ARID2: variants seen among roughly 807,000 people sequenced by gnomAD.
ARID2 encodes the protein AT-rich interactive domain-containing protein 2.
A neutral mutation model predicts 184.6 loss-of-function variants in ARID2; 32 were observed. That is an observed-to-expected ratio of 0.17 (90% CI 0.13 to 0.23). The LOEUF (loss-of-function observed/expected upper bound fraction) is 0.23. Among genes scored for constraint, ARID2 ranks in the 10% least tolerant of loss-of-function variants. ARID2 has a pLI of 1.00. For missense variants in ARID2, 1,696 were observed against 2,197.6 expected (o/e 0.77, Z 4.56); for synonymous variants, 836 against 772.6 (o/e 1.08, Z -1.36).
chr12:45,851,829 C>CCATTCA lies in ARID2; in HGVS notation c.3707_3712dup (p.Phe1237_Lys1238insThrPhe). ...ATCATCATGTACTACTGCTACTCCC[C>CCATTCA]CATTCAAAGGTGATAAAATAATTTG... On this transcript the variant is annotated inframe_insertion, in exon 15 of 21. Transcript: ENST00000334344. 2 of 1,614,120 alleles carry CCATTCA rather than the reference C, an allele frequency of 1.2e-6. No individual in the cohort carries two copies. The highest frequency in any genetic ancestry group is 1.7e-6 in the Non-Finnish European group (2 of 1,180,008).
At chr12:45,864,807 C>T (rs2138197160) in intron 16 of ARID2, among the ~76,000 whole-genome samples, 1 of 152,182 alleles carries the variant, frequency 6.6e-6, no homozygotes, top group African/African-American at 2.4e-5. Context: ...ATATAAAAGA[C>T]CCCCTTTTAT....
intron 3 of ARID2, among the ~76,000 whole-genome samples, chr12:45,742,728 A>G (rs1411892736): frequency 6.6e-6 from 1 of 152,212 alleles, no homozygotes; most frequent in African/African-American, 2.4e-5. Context: ...GTAGTAAATA[A>G]TGTCATCTGA....
At chr12:45,897,953 C>G (rs762815897) in intron 20 of ARID2, among the ~76,000 whole-genome samples, 1 of 151,828 alleles carries the variant, frequency 6.6e-6, no homozygotes, top group Non-Finnish European at 1.5e-5. Context: ...TCAGGTGATC[C>G]TCCCATCTCA....
intron 16 of ARID2, among the ~76,000 whole-genome samples, chr12:45,885,725 CCTT>C (rs1218593968): frequency 1.3e-5 from 2 of 152,178 alleles, no homozygotes; most frequent in African/African-American, 2.4e-5. Context: ...GCAAACATGT[CCTT>C]CTTCACATGG....
intron 16 of ARID2, among the ~76,000 whole-genome samples, chr12:45,876,447 G>C (rs1944010074): frequency 6.6e-6 from 1 of 152,086 alleles, no homozygotes; most frequent in Admixed American, 6.5e-5. Flanking sequence ...CTAGTAGGGA[G>C]GCTGAGGCAG....
At chr12:45,813,994 T>G (rs1024857343) in intron 4 of ARID2, among the ~76,000 whole-genome samples, 1 of 152,106 alleles carries the variant, frequency 6.6e-6, no homozygotes, top group African/African-American at 2.4e-5. Flanking sequence ...TTAGGTGGAT[T>G]ATTATTATTA....
At chr12:45,741,121 G>T (rs889607138) in intron 3 of ARID2, among the ~76,000 whole-genome samples, 4 of 152,226 alleles carry the variant, frequency 2.6e-5, no homozygotes, top group African/African-American at 7.2e-5. Flanking sequence ...GCATTTATTT[G>T]TGCTTGAATC....
chr12:45,739,274 C>T (rs915146243), intron 3 of ARID2, among the ~76,000 whole-genome samples: 15 of 151,964 alleles, frequency 9.9e-5, no homozygotes, highest in African/African-American at 3.6e-4. Flanking sequence ...CCACTGCGCC[C>T]GGCCAGAGCA....
intron 3 of ARID2, among the ~76,000 whole-genome samples, chr12:45,798,753 G>A (rs891815122): frequency 5.3e-5 from 8 of 151,942 alleles, no homozygotes; most frequent in Non-Finnish European, 8.8e-5. Context: ...GCTCTTCAAC[G>A]TAGTAAATTG....
Position 45,731,463 on chromosome 12 carries a change from G to A in ARID2, c.284+149G>A, listed in dbSNP as rs1940997125. 11 of 597,264 alleles carry A rather than the reference G, an allele frequency of 1.8e-5. No homozygotes were observed. The South Asian group carries it at 2.3e-4, about 12-fold the overall frequency. The allele number at this position is 597,264 out of a possible 1,614,324, so 37.0% of individuals were successfully genotyped here. ...CTGAGACACATTTAATATAAATAAAGTGAGATTGTAGGAAGGTGAAAGTCT... is the reference window on the plus strand; with the variant it reads ...CTGAGACACATTTAATATAAATAAAATGAGATTGTAGGAAGGTGAAAGTCT... On this transcript the variant is annotated intron_variant, in intron 3 of 20. Transcript: ENST00000334344.
intron 4 of ARID2, among the ~76,000 whole-genome samples, chr12:45,812,101 A>G (rs1285900969): frequency 6.6e-6 from 1 of 151,918 alleles, no homozygotes; most frequent in African/African-American, 2.4e-5. Context: ...AGTGGAGTAG[A>G]CGGGCTCCAG....
intron 3 of ARID2, among the ~76,000 whole-genome samples, chr12:45,792,693 A>G (rs1942315053): frequency 6.6e-6 from 1 of 151,912 alleles, no homozygotes; most frequent in African/African-American, 2.4e-5. Flanking sequence ...TTTGCATTCT[A>G]TGTTTTGGGG....
rs532879286 is a variant in ARID2, at chr12:45,759,182, T to C, written c.284+27868T>C. Among the ~76,000 whole-genome samples, 74 of 152,316 alleles carry C rather than the reference T, an allele frequency of 4.9e-4. No homozygotes were observed. In the Middle Eastern group the frequency reaches 0.014, roughly 28 times the overall value. On this transcript the variant is annotated intron_variant, in intron 3 of 20. Coordinates refer to ENST00000334344, the MANE Select transcript of ARID2 (RefSeq NM_152641.4). ...GAAATTACTTTTTAAGTATATTGTATTCTAGTTCTCTGTAAATGAGTAACT... is the reference window on the plus strand; with the variant it reads ...GAAATTACTTTTTAAGTATATTGTACTCTAGTTCTCTGTAAATGAGTAACT...
At chr12:45,804,906 G>T (rs1220085059) in intron 3 of ARID2, among the ~76,000 whole-genome samples, 1 of 151,924 alleles carries the variant, frequency 6.6e-6, no homozygotes, top group Non-Finnish European at 1.5e-5. Context: ...TTTTTTGCAT[G>T]CTTATGATCT....
At chr12:45,780,807 A>T (rs149478100) in intron 3 of ARID2, among the ~76,000 whole-genome samples, 2 of 151,786 alleles carry the variant, frequency 1.3e-5, no homozygotes, top group African/African-American at 4.8e-5. Flanking sequence ...TTTAGTAGTG[A>T]TGGGGTTTCA....
chr12:45,784,359 A>G (rs1942154113), intron 3 of ARID2, among the ~76,000 whole-genome samples: 2 of 152,176 alleles, frequency 1.3e-5, no homozygotes, highest in Admixed American at 1.3e-4. Flanking sequence ...TTAAAATATG[A>G]TACCAGCAAT....
intron 3 of ARID2, among the ~76,000 whole-genome samples, chr12:45,783,655 C>T (rs1387055269): frequency 6.6e-6 from 1 of 152,256 alleles, no homozygotes; most frequent in Non-Finnish European, 1.5e-5. Context: ...AGGGTTCACG[C>T]TCCTTTGAGA....
chr12:45,890,233 G>A (rs943981164), intron 16 of ARID2, among the ~76,000 whole-genome samples: 1 of 152,212 alleles, frequency 6.6e-6, no homozygotes, highest in African/African-American at 2.4e-5. Flanking sequence ...TGTATATTTA[G>A]TAATTAAAAT....
chr12:45,756,370 T>C (rs1941572602), intron 3 of ARID2, among the ~76,000 whole-genome samples: 1 of 152,140 alleles, frequency 6.6e-6, no homozygotes, highest in Admixed American at 6.5e-5. Context: ...CTGGAAGGGC[T>C]TTTTTGTTAC....
Sources: allele counts gnomAD v4.1 joint callset (sites outside exome capture counted in the v4.1 genomes callset), GRCh38; gene constraint gnomAD v4.1.1; transcripts MANE v1.5; gene names NCBI Gene and HGNC (gene_info 2026-07-23, HGNC 2026-07-21).